The following AP3B2 variants were observed in gnomAD, a reference collection of about 807,000 sequenced individuals.
AP3B2 encodes AP-3 complex subunit beta-2.
AP3B2 carries 50 observed loss-of-function variants against 126.9 expected under a neutral mutation model. The observed-to-expected ratio is 0.39, with a 90% CI of 0.31 to 0.50. The LOEUF (loss-of-function observed/expected upper bound fraction) is 0.50, where lower values mean the gene tolerates loss of function less well. Among genes scored for constraint, AP3B2 ranks in the 20% least tolerant of loss-of-function variants. The pLI is 0.79. For synonymous variants in AP3B2, 541 were observed against 565.0 expected, an observed-to-expected ratio of 0.96 and a Z score of 0.60; for missense variants, 1,177 against 1,426.4, an observed-to-expected ratio of 0.83 and a Z score of 2.82.
chr15:82,665,440 C>T lies in AP3B2; in HGVS notation c.1971+17G>A. The T allele has an allele frequency of 6.4e-7, 1 of 1,564,906 alleles. No individual in the cohort carries two copies. On this transcript the variant is annotated intron_variant, in intron 16 of 26. Transcript: ENST00000535359. The surrounding 1 kb of genome is among the most constrained non-coding windows in gnomAD (Gnocchi z 4.4). Reference sequence around the variant, plus strand: ...ACACACACACACACACACACTTCAACCCTCCACCCCGCTGACCTCCACGTT... The same window carrying T: ...ACACACACACACACACACACTTCAATCCTCCACCCCGCTGACCTCCACGTT...
At position 82,680,549 on chromosome 15, in the gene AP3B2, C is replaced by T; in HGVS notation, c.978G>A (p.Gln326=). The T allele has an allele frequency of 1.3e-6, 2 of 1,566,766 alleles. No individual in the cohort carries two copies. The highest frequency in any genetic ancestry group is 1.7e-4 in the Middle Eastern group (1 of 5,900). The change falls in exon 8 of 27, where the codon CAG becomes CAA. Residue 326 remains glutamine, a synonymous_variant. Coordinates refer to ENST00000535359, the MANE Select transcript of AP3B2 (RefSeq NM_001278512.2). This position sits in a 1 kb window ranked among gnomAD's most constrained non-coding sequence, Gnocchi z 6.1. The part of the protein sequence containing the change: ...RSAAVVMAVA[Q]LYFHLAPKAE... ...CCTTGGGCGCCAGGTGGAAGTAGAG[C>T]TGCGCCACCGCCATCACCACCGCGG...
At position 82,664,979 on chromosome 15, in the gene AP3B2, A is replaced by C; in HGVS notation, c.2029-36T>G. 1 of 1,493,220 alleles carries C rather than the reference A, an allele frequency of 6.7e-7. No homozygotes were observed. Among genetic ancestry groups the C allele is most frequent in the Non-Finnish European group, 9.2e-7 (1 of 1,084,964 alleles). The allele number at this position is 1,493,220 out of a possible 1,614,324, so 92.5% of individuals were successfully genotyped here. A position where few individuals can be genotyped will look rare whatever the true frequency, so the allele number is the denominator to read the frequency against. ...GGGTAGGGTGCAGGGTCATTTCATC[A>C]TGGTTGGGGAGAAGGCAGGCAGGCA... On this transcript the variant is annotated intron_variant, in intron 17 of 26. Coordinates refer to ENST00000535359, the MANE Select transcript of AP3B2 (RefSeq NM_001278512.2). The surrounding 1 kb of genome is among the most constrained non-coding windows in gnomAD (Gnocchi z 4.5).
chr15:82,699,346 G>A (rs1162220422), intron 1 of AP3B2: 1 of 262,906 alleles, frequency 3.8e-6, no homozygotes, highest in Non-Finnish European at 7.1e-6. Context: ...TCCAGTGGGG[G>A]CCTGTGGGGA....
chr15:82,680,123 C>T lies in AP3B2; in HGVS notation c.1110+52G>A. Reference sequence around the variant, plus strand: ...CCCAGCCCCGACAACGCCTCCAGTGCCCGCAGAAGCGGCCCTCGGACAGCG... The same window carrying T: ...CCCAGCCCCGACAACGCCTCCAGTGTCCGCAGAAGCGGCCCTCGGACAGCG... On this transcript the variant is annotated intron_variant, in intron 9 of 26. Coordinates refer to ENST00000535359, the MANE Select transcript of AP3B2 (RefSeq NM_001278512.2). This position sits in a 1 kb window ranked among gnomAD's most constrained non-coding sequence, Gnocchi z 6.1. The T allele has an allele frequency of 6.2e-7, 1 of 1,609,120 alleles. No individual in the cohort carries two copies. The highest frequency in any genetic ancestry group is 1.1e-5 in the South Asian group (1 of 90,774).
chr15:82,660,332 C>G (rs1305367350), intron 25 of AP3B2, among the ~76,000 whole-genome samples: 1 of 152,172 alleles, frequency 6.6e-6, no homozygotes, highest in Non-Finnish European at 1.5e-5. Context: ...ACCCTTTGAT[C>G]TTTCCTGGGG....
chr15:82,684,799 G>A (rs1484012647), intron 4 of AP3B2, among the ~76,000 whole-genome samples: 1 of 152,178 alleles, frequency 6.6e-6, no homozygotes, highest in Non-Finnish European at 1.5e-5. Context: ...GCCTGGAGTA[G>A]CACTTTTAAT....
At chr15:82,662,503 C>T in intron 23 of AP3B2, 191 bp downstream of exon 23, 1 of 685,992 alleles carries the variant, frequency 1.5e-6, no homozygotes. Context: ...GCTGCAAGCA[C>T]CTCCCGCCCT....
At chr15:82,693,657 G>C (rs1453438057) in intron 1 of AP3B2, among the ~76,000 whole-genome samples, 4 of 152,132 alleles carry the variant, frequency 2.6e-5, no homozygotes, top group African/African-American at 9.7e-5. Flanking sequence ...ATTTTATTAA[G>C]GTCATAAAAT....
Position 82,709,722 on chromosome 15 carries a change from A to G in AP3B2, c.-16T>C. 1 of 1,464,038 alleles carries G rather than the reference A, an allele frequency of 6.8e-7. No individual in the cohort carries two copies. The highest frequency in any genetic ancestry group is 2.9e-5 in the East Asian group (1 of 34,496). The allele number at this position is 1,464,038 out of a possible 1,614,324, so 90.7% of individuals were successfully genotyped here. A position where few individuals can be genotyped will look rare whatever the true frequency, so the allele number is the denominator to read the frequency against. On this transcript the variant is annotated 5_prime_UTR_variant, in exon 1 of 27. Transcript: ENST00000535359. ...CGGCCGACATGGGGCGGCCAGGGAG[A>G]CTTCGCCGAGGAGGAGGTTGCGGGG...
intron 4 of AP3B2, chr15:82,688,191 C>T: frequency 1.9e-6 from 1 of 513,796 alleles, no homozygotes; most frequent in Non-Finnish European, 3.4e-6. Context: ...GAGAGAATGG[C>T]CTTGAAATGG....
intron 1 of AP3B2, chr15:82,692,093 G>A (rs898972778): frequency 3.8e-5 from 57 of 1,494,520 alleles, no homozygotes; most frequent in African/African-American, 4.2e-5. Flanking sequence ...CTCCCACCAC[G>A]GGGCCACCCA....
intron 1 of AP3B2, among the ~76,000 whole-genome samples, chr15:82,704,343 C>T (rs929531146): frequency 2.0e-5 from 3 of 152,212 alleles, no homozygotes; most frequent in African/African-American, 4.8e-5. Flanking sequence ...TAATTAACCT[C>T]GCCTTCAAGG....
intron 14 of AP3B2, among the ~76,000 whole-genome samples, chr15:82,675,605 A>G (rs2048229937): frequency 1.3e-5 from 2 of 152,200 alleles, no homozygotes. Flanking sequence ...GAGAATAACT[A>G]TTCTAGGCTT....
intron 3 of AP3B2, 122 bp from the exon 4 acceptor site, chr15:82,688,953 G>A (rs571407927): frequency 3.8e-6 from 4 of 1,050,952 alleles, no homozygotes; most frequent in Non-Finnish European, 4.2e-6. Context: ...CTCCCAGTGG[G>A]GGAGAGCACC....
intron 1 of AP3B2, among the ~76,000 whole-genome samples, chr15:82,695,595 G>A (rs967248477): frequency 6.6e-6 from 1 of 152,130 alleles, no homozygotes; most frequent in Non-Finnish European, 1.5e-5. Flanking sequence ...GAGAGGGCAT[G>A]GGAGCTCTGC....
At chr15:82,701,445 G>C (rs1039711696) in intron 1 of AP3B2, among the ~76,000 whole-genome samples, 4 of 152,028 alleles carry the variant, frequency 2.6e-5, no homozygotes, top group Admixed American at 2.6e-4. Flanking sequence ...TAACAAAATA[G>C]ACAAACTTCC....
intron 14 of AP3B2, among the ~76,000 whole-genome samples, chr15:82,668,199 A>G (rs563034601): frequency 6.6e-6 from 1 of 152,350 alleles, no homozygotes; most frequent in South Asian, 2.1e-4. Flanking sequence ...CTATGATTCC[A>G]CATTCCTACC....
At chr15:82,702,539 C>T (rs1257293123) in intron 1 of AP3B2, among the ~76,000 whole-genome samples, 3 of 152,118 alleles carry the variant, frequency 2.0e-5, no homozygotes, top group Admixed American at 6.6e-5. Context: ...CCTGGCTCAT[C>T]CTGGCTCAAA....
chr15:82,700,091 G>A (rs1376286647), intron 1 of AP3B2, among the ~76,000 whole-genome samples: 4 of 152,112 alleles, frequency 2.6e-5, no homozygotes, highest in Non-Finnish European at 5.9e-5. Flanking sequence ...GGGACTAGAT[G>A]GTCAGTGGAG....
Sources: gnomAD v4.1 joint callset for allele counts (sites outside exome capture counted in the v4.1 genomes callset) on GRCh38, gnomAD v4.1.1 for gene constraint, Gnocchi (gnomAD v3.1) non-coding constraint, MANE v1.5 for transcripts, NCBI Gene and HGNC (gene_info 2026-07-23, HGNC 2026-07-21) for gene names.